Variants in CD79B observed in about 807,000 individuals in gnomAD.
CD79B encodes B-cell antigen receptor complex-associated protein beta chain.
A neutral mutation model predicts 30.0 loss-of-function variants in CD79B; 7 were observed. The ratio of observed to expected loss-of-function variants is 0.23; its 90% CI spans 0.13 to 0.44. CD79B has a LOEUF of 0.44. Among genes scored for constraint, CD79B ranks in the 20% least tolerant of loss-of-function variants. The pLI is 1.00. For synonymous variants in CD79B, 118 were observed against 119.2 expected, an observed-to-expected ratio of 0.99 and a Z score of 0.07; for missense variants, 218 against 299.1, an observed-to-expected ratio of 0.73 and a Z score of 2.00.
chr17:63,929,748 G>A (rs200020792), intron 4 of CD79B, 22 bp downstream of exon 4: 268 of 1,555,558 alleles, frequency 1.7e-4, no homozygotes, highest in Non-Finnish European at 2.3e-4. Flanking sequence ...GTCCCCCAAG[G>A]CTTCCCCCGT....
In CD79B at chr17:63,929,134, T is replaced by C; in HGVS notation, c.*92A>G. 1.2e-6 allele frequency: 1 copy of C among 865,256 alleles called. No individual in the cohort carries two copies. The highest frequency in any genetic ancestry group is 1.3e-5 in the South Asian group (1 of 74,808). The allele number at this position is 865,256 out of a possible 1,614,324, so 53.6% of individuals were successfully genotyped here. A position where few individuals can be genotyped will look rare whatever the true frequency, so the allele number is the denominator to read the frequency against. ...CCAGCTTCAGAGGCCAGCTGGGGGG[T>C]CCAGGAAAGGGGTTGGGCCATGAGC... is the stretch of plus-strand genomic sequence containing the variant. On this transcript the variant is annotated 3_prime_UTR_variant, in exon 6 of 6. Transcript: ENST00000006750.
At chr17:63,931,754 T>C in intron 1 of CD79B, 1 of 362,504 alleles carries the variant, frequency 2.8e-6, no homozygotes, top group Non-Finnish European at 5.2e-6. Context: ...TTTTTTTTTT[T>C]TTTTAAAGAG....
chr17:63,932,214 C>G lies in CD79B; in HGVS notation c.48G>C (p.Ala16=), dbSNP rs758062682. The G allele has an allele frequency of 3.1e-6, 5 of 1,613,064 alleles. No homozygotes were observed. The highest frequency in any genetic ancestry group is 4.2e-6 in the Non-Finnish European group (5 of 1,179,986). ...LSPVPSHWMV[A]LLLLLSAEPV... ...CTGTACCTGAGAGCAGCAGCAGCAA[C>G]GCCACCATCCAGTGGCTGGGCACAG... The change falls in exon 1 of 6, where the codon GCG becomes GCC. Residue 16 remains alanine (A), a synonymous_variant. Coordinates refer to ENST00000006750, the MANE Select transcript of CD79B (RefSeq NM_000626.4).
intron 1 of CD79B, 197 bp downstream of exon 1, chr17:63,931,998 T>A (rs1371252792): frequency 3.0e-6 from 2 of 670,708 alleles, no homozygotes; most frequent in Non-Finnish European, 5.4e-6. Context: ...GGAGAGGAAC[T>A]GGGGCCACAG....
chr17:63,929,232 C>G lies in CD79B; in HGVS notation c.684G>C (p.Gln228His). Residue 228 changes from glutamine (Q) to histidine (H), a missense_variant, in exon 6 of 6, where the codon CAG becomes CAC. By Grantham distance (24) the Gln-to-His change is conservative. Transcript: ENST00000006750. ...VKWSVGEHPGQE is the reference protein window; with the variant it reads ...VKWSVGEHPGHE The stretch of plus-strand genomic sequence containing the variant: ...TCATGGGGCGACCTGGCTCTCACTC[C>G]TGGCCTGGGTGCTCACCTACAGACC... The G allele has an allele frequency of 6.2e-7, 1 of 1,610,158 alleles. No homozygotes were observed. The highest frequency in any genetic ancestry group is 1.7e-5 in the Admixed American group (1 of 60,020).
At chr17:63,931,112 C>G (rs1265707690) in intron 2 of CD79B, 1 of 607,190 alleles carries the variant, frequency 1.6e-6, no homozygotes, top group Non-Finnish European at 3.1e-6. Flanking sequence ...TTTAGCCCAG[C>G]CCTTCAGTGG....
rs1484407434 is a variant in CD79B, at chr17:63,929,129, G to GTCA, written c.*96_*97insTGA. The GTCA allele has an allele frequency of 2.4e-6, 2 of 842,098 alleles. No homozygotes were observed. The highest frequency in any genetic ancestry group is 4.1e-6 in the Non-Finnish European group (2 of 489,318). 52.2% of individuals were successfully genotyped at this position (842,098 alleles called of 1,614,324 possible). A position where few individuals can be genotyped will look rare whatever the true frequency, so the allele number is the denominator to read the frequency against. ...GTGGGCCAGCTTCAGAGGCCAGCTGGGGGGTCCAGGAAAGGGGTTGGGCCA... is the reference window on the plus strand; with the variant it reads ...GTGGGCCAGCTTCAGAGGCCAGCTGGTCAGGGGTCCAGGAAAGGGGTTGGGCCA... On this transcript the variant is annotated 3_prime_UTR_variant, in exon 6 of 6. Coordinates refer to ENST00000006750, the MANE Select transcript of CD79B (RefSeq NM_000626.4).
At chr17:63,929,609 G>A in intron 4 of CD79B, 134 bp from the exon 5 acceptor site, 1 of 981,350 alleles carries the variant, frequency 1.0e-6, no homozygotes, top group Non-Finnish European at 1.6e-6. Context: ...ACAGCTGAAT[G>A]AAGGAAGGAA....
At chr17:63,931,924 A>G in intron 1 of CD79B, 2 of 536,100 alleles carry the variant, frequency 3.7e-6, no homozygotes, top group South Asian at 2.0e-5. Context: ...TAGTTCTTCC[A>G]CGGTCCTGGT....
chr17:63,931,039 A>G (rs1004423787), intron 2 of CD79B: 1 of 464,660 alleles, frequency 2.2e-6, no homozygotes, highest in South Asian at 2.1e-5. Flanking sequence ...CCAGATTCCC[A>G]GCTAGACAGG....
chr17:63,929,636 T>C (rs1204613232), intron 4 of CD79B, 134 bp downstream of exon 4: 3 of 981,876 alleles, frequency 3.1e-6, no homozygotes, highest in Non-Finnish European at 4.8e-6. Context: ...AATGATTGAA[T>C]TGGTGAGCCA....
rs1165286459 is a variant in CD79B at position 63,928,786 on chromosome 17, G to C, written c.*440C>G. ...TTATTCCACGGGGGAAGGCACTGGAGGCCAGGGCCTCCCTGGGGTGGGAGT... is the reference window on the plus strand; with the variant it reads ...TTATTCCACGGGGGAAGGCACTGGACGCCAGGGCCTCCCTGGGGTGGGAGT... On this transcript the variant is annotated 3_prime_UTR_variant, in exon 6 of 6. Transcript: ENST00000006750. 3 of 359,618 alleles carry C rather than the reference G, an allele frequency of 8.3e-6. No individual in the cohort carries two copies. Among genetic ancestry groups the C allele is most frequent in the Non-Finnish European group, 1.6e-5 (3 of 191,708 alleles). The allele number at this position is 359,618 out of a possible 1,614,324, so 22.3% of individuals were successfully genotyped here. A position where few individuals can be genotyped will look rare whatever the true frequency, so the allele number is the denominator to read the frequency against.
At chr17:63,931,621 G>A (rs747077130) in intron 1 of CD79B, among the ~76,000 whole-genome samples, 11 of 152,370 alleles carry the variant, frequency 7.2e-5, no homozygotes, top group African/African-American at 2.4e-4. Context: ...CTTTGAGCAG[G>A]CATCTGAATG....
chr17:63,930,897 G>A (rs921228205), intron 2 of CD79B: 1 of 305,866 alleles, frequency 3.3e-6, no homozygotes, highest in Non-Finnish European at 6.3e-6. Context: ...CCCTCCTGCA[G>A]GGACTGGGTC....
chr17:63,929,352 G>A (rs375707458), intron 5 of CD79B, 28 bp from the exon 6 acceptor site: 45 of 1,609,526 alleles, frequency 2.8e-5, no homozygotes, highest in Non-Finnish European at 3.5e-5. Context: ...AACTCAGGCC[G>A]GGACCACACC....
intron 5 of CD79B, 23 bp downstream of exon 5, chr17:63,929,411 G>T: frequency 1.9e-6 from 3 of 1,613,744 alleles, no homozygotes; most frequent in African/African-American, 1.3e-5. Context: ...ACTCAGAGCT[G>T]CTGGGCCTGC....
chr17:63,929,181 C>G lies in CD79B; in HGVS notation c.*45G>C, dbSNP rs375575208. ...GAGCCAGGCAGCTCCGAAGCAGTCA[C>G]TGAGGCCAGGGAGCCTGCACCCAGG... On this transcript the variant is annotated 3_prime_UTR_variant, in exon 6 of 6. Transcript: ENST00000006750. The G allele has an allele frequency of 3.0e-6, 4 of 1,317,988 alleles. No individual in the cohort carries two copies. In the South Asian group the frequency reaches 4.7e-5, roughly 15 times the overall value. The allele number at this position is 1,317,988 out of a possible 1,614,324, so 81.6% of individuals were successfully genotyped here.
In CD79B at chr17:63,931,361, G is replaced by A. The variant is rs750544228; in HGVS notation, c.92C>T (p.Ser31Leu). The change falls in exon 2 of 6, where the codon TCG becomes TTG. Residue 31 changes from serine (S) to leucine (L), a missense_variant. Physicochemically the swap from Ser to Leu is moderately radical, Grantham distance 145 (BLOSUM62 -2). Transcript: ENST00000006750. The stretch of plus-strand genomic sequence containing the variant: ...TTTGGGATTCCGGTACCGGTCCTCC[G>A]ATCTGGCTGCTGGTACTGGCTCAGC... Reference protein sequence around the residue: ...LSAEPVPAARSEDRYRNPKGS... With the variant: ...LSAEPVPAARLEDRYRNPKGS... 7.4e-5 allele frequency: 120 copies of A among 1,613,920 alleles called. 2 individuals carry two copies. Among genetic ancestry groups the A allele is most frequent in the South Asian group, 6.9e-4 (63 of 91,086 alleles).
chr17:63,931,449 C>T, intron 1 of CD79B, 64 bp from the exon 2 acceptor site: 1 of 1,474,404 alleles, frequency 6.8e-7, no homozygotes, highest in Non-Finnish European at 9.5e-7. Context: ...CTGCCCCACC[C>T]CTGCATGCCC....
Sources: gnomAD v4.1 joint callset for allele counts (sites outside exome capture counted in the v4.1 genomes callset) on GRCh38, gnomAD v4.1.1 for gene constraint, MANE v1.5 for transcripts, NCBI Gene and HGNC (gene_info 2026-07-23, HGNC 2026-07-21) for gene names.